The following HCRTR2 variants were observed in gnomAD, a reference collection of about 807,000 sequenced individuals.
HCRTR2 encodes orexin receptor type 2.
A neutral mutation model predicts 49.0 loss-of-function variants in HCRTR2; 22 were observed. That is an observed-to-expected ratio of 0.45 (90% CI 0.32 to 0.64). The LOEUF is 0.64. Among genes scored for constraint, HCRTR2 ranks in the 30% least tolerant of loss-of-function variants. The pLI is 0.04. For synonymous variants in HCRTR2, 236 were observed against 205.3 expected, an observed-to-expected ratio of 1.15 and a Z score of -1.28; for missense variants, 491 against 559.4, an observed-to-expected ratio of 0.88 and a Z score of 1.23.
rs34980817 is a variant in HCRTR2, at chr6:55,124,983, C to T, written c.-378+18438C>T. Among the ~76,000 whole-genome samples the T allele has an allele frequency of 5.7e-3, 858 of 150,930 alleles. 7 individuals carry two copies. The highest frequency in any genetic ancestry group is 0.017 in the Middle Eastern group (5 of 294). Reference sequence around the variant, plus strand: ...GTGCTTGGTAAATAATCCTCCAAACCTTTATTTTGAGCCTATATGTGTCTT... The same window carrying T: ...GTGCTTGGTAAATAATCCTCCAAACTTTTATTTTGAGCCTATATGTGTCTT... On this transcript the variant is annotated intron_variant, in intron 1 of 7. Transcript: ENST00000615358.
chr6:55,177,812 T>C (rs779988242), intron 1 of HCRTR2, among the ~76,000 whole-genome samples: 4 of 152,136 alleles, frequency 2.6e-5, no homozygotes, highest in Non-Finnish European at 5.9e-5. Flanking sequence ...TCCACTCTCA[T>C]ATACTCCTCC....
chr6:55,203,202 C>A (rs968299355), intron 1 of HCRTR2, among the ~76,000 whole-genome samples: 2 of 152,142 alleles, frequency 1.3e-5, no homozygotes, highest in African/African-American at 2.4e-5. Context: ...TATATAATTT[C>A]TCTGAAGGAT....
At chr6:55,110,265 T>C (rs1012462236) in intron 1 of HCRTR2, among the ~76,000 whole-genome samples, 1 of 151,978 alleles carries the variant, frequency 6.6e-6, no homozygotes, top group Non-Finnish European at 1.5e-5. Flanking sequence ...AATAGGACTT[T>C]CTTAGAGCAT....
At chr6:55,159,881 C>T (rs367787163) in intron 1 of HCRTR2, among the ~76,000 whole-genome samples, 20 of 152,036 alleles carry the variant, frequency 1.3e-4, no homozygotes, top group African/African-American at 3.9e-4. Context: ...CTGAAAGTGA[C>T]GGGGAGAAAG....
intron 1 of HCRTR2, among the ~76,000 whole-genome samples, chr6:55,196,050 A>G (rs904433538): frequency 2.0e-5 from 3 of 152,236 alleles, no homozygotes; most frequent in African/African-American, 7.2e-5. Flanking sequence ...TTAAAATAAA[A>G]TAAAATATCA....
intron 1 of HCRTR2, among the ~76,000 whole-genome samples, chr6:55,223,407 T>C (rs1562012511): frequency 6.6e-6 from 1 of 152,192 alleles, no homozygotes; most frequent in Non-Finnish European, 1.5e-5. Flanking sequence ...AAATTAAAAA[T>C]ACAGCATCGC....
intron 1 of HCRTR2, among the ~76,000 whole-genome samples, chr6:55,169,225 G>C (rs775738708): frequency 6.6e-6 from 1 of 151,618 alleles, no homozygotes; most frequent in Admixed American, 6.6e-5. Context: ...TGGAAGCTTC[G>C]TATATATTTG....
rs1434124418 is a variant in HCRTR2 at position 55,248,912 on chromosome 6, T to C, written c.402+95T>C. ...AAATTAACTAGTGAGTTGAGAAATATATTTGCCTAAGGCATTGACAAACTG... is the reference window on the plus strand; with the variant it reads ...AAATTAACTAGTGAGTTGAGAAATACATTTGCCTAAGGCATTGACAAACTG... On this transcript the variant is annotated intron_variant, in intron 2 of 6. Transcript: ENST00000370862. 12 of 1,051,482 alleles carry C rather than the reference T, an allele frequency of 1.1e-5. No homozygotes were observed. The East Asian group carries it at 2.4e-4, about 21-fold the overall frequency. 65.1% of individuals were successfully genotyped at this position (1,051,482 alleles called of 1,614,324 possible).
chr6:55,270,529 C>T (rs926422530), intron 4 of HCRTR2, among the ~76,000 whole-genome samples: 1 of 152,178 alleles, frequency 6.6e-6, no homozygotes, highest in Non-Finnish European at 1.5e-5. Context: ...AAAATTCTAG[C>T]TGCTCTAAAA....
chr6:55,219,473 G>A (rs1765849679), intron 1 of HCRTR2, among the ~76,000 whole-genome samples: 1 of 152,052 alleles, frequency 6.6e-6, no homozygotes, highest in African/African-American at 2.4e-5. Context: ...AATTATAAGG[G>A]ATATTTGAAA....
intron 1 of HCRTR2, among the ~76,000 whole-genome samples, chr6:55,241,508 A>T (rs538937709): frequency 6.6e-6 from 1 of 152,240 alleles, no homozygotes; most frequent in South Asian, 2.1e-4. Context: ...TATGCTATTT[A>T]TTTATGTACT....
chr6:55,183,101 A>G (rs555212147), intron 1 of HCRTR2, among the ~76,000 whole-genome samples: 1 of 152,374 alleles, frequency 6.6e-6, no homozygotes, highest in South Asian at 2.1e-4. Flanking sequence ...CAAAGGTAAT[A>G]GAATCCAAGG....
intron 4 of HCRTR2, among the ~76,000 whole-genome samples, chr6:55,273,889 G>T (rs1335624599): frequency 1.3e-5 from 2 of 151,066 alleles, no homozygotes; most frequent in African/African-American, 4.9e-5. Flanking sequence ...TAGTCCTCTG[G>T]GATACACACA....
intron 4 of HCRTR2, among the ~76,000 whole-genome samples, chr6:55,266,494 AG>A (rs936865337): frequency 6.6e-6 from 1 of 152,180 alleles, no homozygotes; most frequent in Non-Finnish European, 1.5e-5. Flanking sequence ...AATTTCTTGA[AG>A]GGGAAAAAGC....
At chr6:55,149,218 G>T (rs1374823778) in intron 1 of HCRTR2, among the ~76,000 whole-genome samples, 1 of 151,694 alleles carries the variant, frequency 6.6e-6, no homozygotes, top group Non-Finnish European at 1.5e-5. Flanking sequence ...GTTTTGTTTT[G>T]TGGAAAAAAT....
At chr6:55,282,734 T>G, downstream of HCRTR2, 1 of 386,156 alleles carries the variant, frequency 2.6e-6, no homozygotes, top group South Asian at 3.3e-5. Context: ...TGTTTAAACA[T>G]TTCTAATTCT....
chr6:55,144,695 T>G (rs1764555600), intron 1 of HCRTR2, among the ~76,000 whole-genome samples: 1 of 151,954 alleles, frequency 6.6e-6, no homozygotes, highest in African/African-American at 2.4e-5. Flanking sequence ...CTCCCTCGCC[T>G]GCCCACCCAC....
chr6:55,177,272 G>A (rs1765057667), intron 1 of HCRTR2, among the ~76,000 whole-genome samples: 1 of 152,156 alleles, frequency 6.6e-6, no homozygotes, highest in Non-Finnish European at 1.5e-5. Context: ...GAATAACACT[G>A]AAATCCTCTC....
chr6:55,125,363 C>T (rs534580681), intron 1 of HCRTR2, among the ~76,000 whole-genome samples: 3 of 152,254 alleles, frequency 2.0e-5, no homozygotes, highest in African/African-American at 7.2e-5. Context: ...ATTTCTCCTT[C>T]ACTATTGAAG....
Sources: allele counts gnomAD v4.1 joint callset (sites outside exome capture counted in the v4.1 genomes callset), GRCh38; gene constraint gnomAD v4.1.1; transcripts MANE v1.5; gene names NCBI Gene and HGNC (gene_info 2026-07-23, HGNC 2026-07-21).